Variants in PCLO observed in about 807,000 individuals in gnomAD.
PCLO encodes the protein piccolo presynaptic cytomatrix protein.
PCLO carries 82 observed loss-of-function variants against 427.5 expected under a neutral mutation model. That is an observed-to-expected ratio of 0.19 (90% CI 0.16 to 0.23). The LOEUF (loss-of-function observed/expected upper bound fraction) is 0.23. Among genes scored for constraint, PCLO ranks in the 10% least tolerant of loss-of-function variants. PCLO has a pLI of 1.00. For missense variants in PCLO, 6,239 were observed against 6,115.9 expected (o/e 1.02, Z -0.67); for synonymous variants, 2,357 against 2,155.4 (o/e 1.09, Z -2.59).
At chr7:83,028,305 C>T (rs1290946447) in intron 3 of PCLO, among the ~76,000 whole-genome samples, 3 of 149,736 alleles carry the variant, frequency 2.0e-5, no homozygotes, top group Non-Finnish European at 3.0e-5. Flanking sequence ...CATTCTTATA[C>T]ACCAACAACA....
chr7:83,032,316 T>C (rs1198211542), intron 3 of PCLO, among the ~76,000 whole-genome samples: 1 of 152,082 alleles, frequency 6.6e-6, no homozygotes, highest in Non-Finnish European at 1.5e-5. Flanking sequence ...CTGCTTCACC[T>C]TCTAATGCAA....
intron 6 of PCLO, among the ~76,000 whole-genome samples, chr7:82,945,284 A>T (rs1358842303): frequency 6.6e-6 from 1 of 152,208 alleles, no homozygotes; most frequent in Non-Finnish European, 1.5e-5. Flanking sequence ...TATCAGACTG[A>T]CAGGGTCTTG....
At chr7:82,911,960 T>A (rs1032757242) in intron 7 of PCLO, among the ~76,000 whole-genome samples, 2 of 152,138 alleles carry the variant, frequency 1.3e-5, no homozygotes, top group Non-Finnish European at 2.9e-5. Context: ...TTAATAAATA[T>A]TAAGCAACAT....
Position 82,758,650 on chromosome 7 carries a change from C to A in PCLO, c.15354G>T (p.Trp5118Cys), listed in dbSNP as rs1431007074. The change falls in exon 25 of 25, where the codon TGG becomes TGT. Residue 5118 changes from tryptophan (W) to cysteine (C), a missense_variant. Trp to Cys is a radical substitution (Grantham distance 215). This residue lies in a region of PCLO where 877 missense variants were observed against 925.5 expected (regional missense o/e 0.95). Transcript: ENST00000333891. ...TTTTTCTGAGATCCACTTTGTCAAG[C>A]CAGATACAGGCTTCACCAATCAAGG... The part of the protein sequence containing the change: ...KKTLIGEACI[W>C]LDKVDLRKRI... The A allele has an allele frequency of 6.2e-7, 1 of 1,610,486 alleles. No individual in the cohort carries two copies. The highest frequency in any genetic ancestry group is 1.3e-5 in the African/African-American group (1 of 74,744).
chr7:82,761,568 T>C (rs541579067), intron 22 of PCLO, 75 bp from the exon 23 acceptor site: 1 of 1,017,680 alleles, frequency 9.8e-7, no homozygotes, highest in African/African-American at 1.6e-5. Flanking sequence ...AATTCATTCA[T>C]ACATTCATTT....
At chr7:82,925,737 T>TTTTTTTA (rs1794698184) in intron 6 of PCLO, among the ~76,000 whole-genome samples, 1 of 133,542 alleles carries the variant, frequency 7.5e-6, no homozygotes, top group African/African-American at 2.9e-5. Context: ...TTTTTTTTTT[T>TTTTTTTA]GAGACAAGCT....
At chr7:83,059,225 T>TA (rs1404007026) in intron 3 of PCLO, among the ~76,000 whole-genome samples, 8 of 149,118 alleles carry the variant, frequency 5.4e-5, no homozygotes, top group African/African-American at 2.0e-4. Flanking sequence ...TTGTGGAACA[T>TA]ACGGTGCACC....
At position 82,993,988 on chromosome 7, in the gene PCLO, G is replaced by A. The variant is rs912409775; in HGVS notation, c.3301-27501C>T. 2.0e-5 allele frequency among the ~76,000 whole-genome samples: 3 copies of A among 152,016 alleles called. No homozygotes were observed. The South Asian group carries it at 6.2e-4, about 31-fold the overall frequency. On this transcript the variant is annotated intron_variant, in intron 3 of 24. Transcript: ENST00000333891. The stretch of plus-strand genomic sequence containing the variant: ...AAAACTATCAGGAAGAAATAAAGGA[G>A]ATAAATAATTGGGAAAGGTAGTTGA...
At chr7:83,129,026 A>AC (rs1431051834) in intron 3 of PCLO, among the ~76,000 whole-genome samples, 1 of 152,208 alleles carries the variant, frequency 6.6e-6, no homozygotes, top group Non-Finnish European at 1.5e-5. Flanking sequence ...CCTAGCAATT[A>AC]CCAACTGATG....
At chr7:82,780,780 C>T (rs938366181) in intron 22 of PCLO, among the ~76,000 whole-genome samples, 2 of 152,144 alleles carry the variant, frequency 1.3e-5, no homozygotes, top group African/African-American at 2.4e-5. Context: ...ACATTTTCCT[C>T]AAATGGTAAA....
chr7:83,081,700 T>C (rs940761539), intron 3 of PCLO, among the ~76,000 whole-genome samples: 1 of 151,866 alleles, frequency 6.6e-6, no homozygotes, highest in Admixed American at 6.6e-5. Flanking sequence ...AGGTTGAGTA[T>C]ATAGATATTT....
At chr7:83,073,991 T>C (rs1281212727) in intron 3 of PCLO, among the ~76,000 whole-genome samples, 1 of 151,806 alleles carries the variant, frequency 6.6e-6, no homozygotes, top group Non-Finnish European at 1.5e-5. Flanking sequence ...GTACTAAATA[T>C]AGAAAATTAA....
chr7:82,892,099 A>T (rs1261728802), intron 9 of PCLO, among the ~76,000 whole-genome samples: 1 of 152,126 alleles, frequency 6.6e-6, no homozygotes, highest in Non-Finnish European at 1.5e-5. Context: ...ATGGAACCAA[A>T]AAAGAGCCCG....
intron 20 of PCLO, among the ~76,000 whole-genome samples, chr7:82,807,544 A>G (rs1237830939): frequency 2.6e-5 from 4 of 152,148 alleles, no homozygotes; most frequent in African/African-American, 9.7e-5. Flanking sequence ...ATTTGAGGAC[A>G]GGAAATCCAC....
intron 20 of PCLO, among the ~76,000 whole-genome samples, chr7:82,809,103 T>G (rs1450168631): frequency 6.6e-6 from 1 of 151,952 alleles, no homozygotes; most frequent in Non-Finnish European, 1.5e-5. Flanking sequence ...GAGCTAAATC[T>G]GCATAAAGGC....
chr7:82,803,924 T>C (rs2129468773), intron 21 of PCLO, among the ~76,000 whole-genome samples: 1 of 152,206 alleles, frequency 6.6e-6, no homozygotes, highest in South Asian at 2.1e-4. Context: ...AAATCAAAAT[T>C]AGAATGTGGT....
intron 3 of PCLO, among the ~76,000 whole-genome samples, chr7:82,974,736 A>G (rs1795979323): frequency 6.6e-6 from 1 of 152,118 alleles, no homozygotes; most frequent in South Asian, 2.1e-4. Context: ...ATCAGTTCTC[A>G]TCCCTCTGCT....
chr7:82,986,838 G>C (rs993864816), intron 3 of PCLO, among the ~76,000 whole-genome samples: 1 of 151,796 alleles, frequency 6.6e-6, no homozygotes, highest in Admixed American at 6.6e-5. Context: ...TATAATTATT[G>C]ATGACCCAGG....
chr7:82,814,093 C>T (rs1791626948), intron 20 of PCLO, among the ~76,000 whole-genome samples: 1 of 151,760 alleles, frequency 6.6e-6, no homozygotes, highest in Non-Finnish European at 1.5e-5. Context: ...TGTCACTCTA[C>T]TTCAGCTTGG....
Sources: gnomAD v4.1 joint callset for allele counts (sites outside exome capture counted in the v4.1 genomes callset) on GRCh38, gnomAD v4.1.1 for gene constraint, gnomAD v4.1.1 regional missense constraint, MANE v1.5 for transcripts, NCBI Gene and HGNC (gene_info 2026-07-23, HGNC 2026-07-21) for gene names.